The following PCBD2 variants were observed in gnomAD, a reference collection of about 807,000 sequenced individuals.
PCBD2 encodes pterin-4-alpha-carbinolamine dehydratase 2.
Under a neutral mutation model 16.4 loss-of-function variants are expected in PCBD2, and 12 were observed. The observed-to-expected ratio is 0.73, with a 90% confidence interval of 0.47 to 1.19. The LOEUF (loss-of-function observed/expected upper bound fraction) is 1.19. Ranked by LOEUF, PCBD2 falls within the 50% of genes most tolerant of loss-of-function variation. PCBD2 has a pLI of 0.00. For synonymous variants in PCBD2, 58 were observed against 61.8 expected, an observed-to-expected ratio of 0.94 and a Z score of 0.29; for missense variants, 138 against 156.8, an observed-to-expected ratio of 0.88 and a Z score of 0.64.
chr5:134,921,747 G>A (rs1043473279), intron 2 of PCBD2, among the ~76,000 whole-genome samples: 2 of 152,130 alleles, frequency 1.3e-5, no homozygotes, highest in African/African-American at 2.4e-5. Context: ...CTGGTCAGTC[G>A]TCCTGTAGTG....
At chr5:134,911,069 T>C (rs1417177784) in intron 2 of PCBD2, among the ~76,000 whole-genome samples, 1 of 152,228 alleles carries the variant, frequency 6.6e-6, no homozygotes, top group African/African-American at 2.4e-5. Flanking sequence ...AATAGAGATA[T>C]GAGCCACTGT....
intron 2 of PCBD2, among the ~76,000 whole-genome samples, chr5:134,922,690 T>A (rs1580881358): frequency 7.0e-6 from 1 of 142,948 alleles, no homozygotes; most frequent in South Asian, 2.2e-4. Context: ...TGAGACGGAG[T>A]CTCGCTCTGT....
chr5:134,906,226 A>T (rs1580874521), intron 1 of PCBD2, among the ~76,000 whole-genome samples: 2 of 82,500 alleles, frequency 2.4e-5, no homozygotes, highest in South Asian at 4.2e-4. Flanking sequence ...TTTTTTGAGA[A>T]GGAGAATCAC....
At position 134,961,166 on chromosome 5, in the gene PCBD2, A is replaced by G. The variant is rs1214200745; in HGVS notation, c.*485A>G. Reference sequence around the variant, plus strand: ...TGCCTTTATATATTACATTTGGTAAAATCAGTGCTTAAATACGCAATGATT... The same window carrying G: ...TGCCTTTATATATTACATTTGGTAAGATCAGTGCTTAAATACGCAATGATT... On this transcript the variant is annotated 3_prime_UTR_variant, in exon 4 of 4. Transcript: ENST00000254908. 1 of 152,632 alleles carries G rather than the reference A, an allele frequency of 6.6e-6. No individual in the cohort carries two copies. Among genetic ancestry groups the G allele is most frequent in the Non-Finnish European group, 1.5e-5 (1 of 68,380 alleles). 9.5% of individuals were successfully genotyped at this position (152,632 alleles called of 1,614,324 possible).
At chr5:134,948,126 A>G (rs767972269) in intron 2 of PCBD2, among the ~76,000 whole-genome samples, 1 of 152,118 alleles carries the variant, frequency 6.6e-6, no homozygotes, top group Non-Finnish European at 1.5e-5. Flanking sequence ...GGAGAAAAGA[A>G]TGGGTAGAAA....
At chr5:134,914,239 G>A (rs886738803) in intron 2 of PCBD2, among the ~76,000 whole-genome samples, 1 of 152,130 alleles carries the variant, frequency 6.6e-6, no homozygotes, top group African/African-American at 2.4e-5. Flanking sequence ...TCTCCTGATT[G>A]CTTTTGTTTT....
intron 2 of PCBD2, chr5:134,926,022 G>A (rs1335645042): frequency 5.3e-6 from 2 of 377,162 alleles, no homozygotes; most frequent in Non-Finnish European, 9.4e-6. Context: ...TAATTCCTAC[G>A]CCTTCTCAGC....
chr5:134,908,085 AT>A (rs1750719355), intron 1 of PCBD2, among the ~76,000 whole-genome samples: 1 of 150,570 alleles, frequency 6.6e-6, no homozygotes. Flanking sequence ...ACACCCGGCT[AT>A]TTTTTAAAAT....
At chr5:134,941,744 C>T (rs1751230819) in intron 2 of PCBD2, among the ~76,000 whole-genome samples, 1 of 151,972 alleles carries the variant, frequency 6.6e-6, no homozygotes, top group Admixed American at 6.5e-5. Flanking sequence ...GAAAAAAGGG[C>T]ACAGGGAAAA....
chr5:134,929,945 C>T (rs944777764), intron 2 of PCBD2, among the ~76,000 whole-genome samples: 1 of 152,174 alleles, frequency 6.6e-6, no homozygotes, highest in African/African-American at 2.4e-5. Flanking sequence ...CCTCCCACCC[C>T]ACCCTCTCAA....
intron 3 of PCBD2, among the ~76,000 whole-genome samples, chr5:134,960,381 G>A (rs1456285389): frequency 6.6e-6 from 1 of 152,166 alleles, no homozygotes; most frequent in East Asian, 1.9e-4. Flanking sequence ...TGGCTGTTGA[G>A]CCAGGCCTAA....
At chr5:134,915,436 ATTTTTT>A (rs760173801) in intron 2 of PCBD2, among the ~76,000 whole-genome samples, 6 of 114,220 alleles carry the variant, frequency 5.3e-5, no homozygotes, top group African/African-American at 1.4e-4. Context: ...TGGGCCTCTA[ATTTTTT>A]TTTTTTTTTT....
chr5:134,955,309 GTTTT>G (rs201125597), intron 2 of PCBD2, among the ~76,000 whole-genome samples: 2 of 131,108 alleles, frequency 1.5e-5, no homozygotes, highest in Middle Eastern at 6.9e-3. Context: ...AGCAACAATG[GTTTT>G]TTTTTTTTTT....
chr5:134,923,722 G>C lies in PCBD2; in HGVS notation c.216+13256G>C, dbSNP rs79194969. On this transcript the variant is annotated intron_variant, in intron 2 of 3. Transcript: ENST00000254908. Reference sequence around the variant, plus strand: ...ATGATGCCAATGTTTCAGGTTTCTAGGTAAAGAAATGAGCCGTAATATAGG... The same window carrying C: ...ATGATGCCAATGTTTCAGGTTTCTACGTAAAGAAATGAGCCGTAATATAGG... 7.7e-6 allele frequency: 3 copies of C among 388,832 alleles called. No individual in the cohort carries two copies. In the East Asian group the frequency reaches 1.1e-4, roughly 14 times the overall value. The allele number at this position is 388,832 out of a possible 1,614,324, so 24.1% of individuals were successfully genotyped here.
At chr5:134,948,781 G>A (rs942615461) in intron 2 of PCBD2, among the ~76,000 whole-genome samples, 2 of 150,972 alleles carry the variant, frequency 1.3e-5, no homozygotes, top group Non-Finnish European at 2.9e-5. Context: ...TTTGAAAGCA[G>A]TGTTTAGAAG....
chr5:134,960,553 CAG>C (rs774017601), intron 3 of PCBD2, 31 bp from the exon 4 acceptor site: 1 of 1,455,660 alleles, frequency 6.9e-7, no homozygotes, highest in South Asian at 1.2e-5. Flanking sequence ...ATTTGCTGCT[CAG>C]AGTTTTAAAA....
intron 2 of PCBD2, chr5:134,928,446 G>T: frequency 2.9e-6 from 1 of 341,426 alleles, no homozygotes; most frequent in South Asian, 1.4e-4. Flanking sequence ...CTTAGGGCTA[G>T]GATGATGATT....
intron 2 of PCBD2, among the ~76,000 whole-genome samples, chr5:134,931,705 C>T (rs1181255837): frequency 6.6e-6 from 1 of 152,172 alleles, no homozygotes; most frequent in Non-Finnish European, 1.5e-5. Context: ...TGTAGAATAA[C>T]AAAGGATATG....
chr5:134,956,833 G>C (rs1311386948), intron 2 of PCBD2, among the ~76,000 whole-genome samples: 6 of 152,220 alleles, frequency 3.9e-5, no homozygotes, highest in Non-Finnish European at 5.9e-5. Flanking sequence ...AGAAGCAGTA[G>C]TGACAGCAGT....
Sources: gnomAD v4.1 joint callset for allele counts (sites outside exome capture counted in the v4.1 genomes callset) on GRCh38, gnomAD v4.1.1 for gene constraint, MANE v1.5 for transcripts, NCBI Gene and HGNC (gene_info 2026-07-23, HGNC 2026-07-21) for gene names.